GALNT8: variants seen among roughly 807,000 people sequenced by gnomAD.
GALNT8 encodes probable polypeptide N-acetylgalactosaminyltransferase 8.
In GALNT8, 66 loss-of-function variants were observed where a neutral mutation model predicts 62.7. That is an observed-to-expected ratio of 1.05 (90% CI 0.86 to 1.29). GALNT8 has a LOEUF of 1.29. GALNT8 is among the 50% of genes most tolerant of loss of function. GALNT8 has a pLI of 0.00. For missense variants in GALNT8, 771 were observed against 791.8 expected, an observed-to-expected ratio of 0.97 and a Z score of 0.32; for synonymous variants, 288 against 294.3, an observed-to-expected ratio of 0.98 and a Z score of 0.22.
chr12:4,757,426 A>C (rs1282423527), intron 6 of GALNT8, among the ~76,000 whole-genome samples: 1 of 152,192 alleles, frequency 6.6e-6, no homozygotes, highest in Non-Finnish European at 1.5e-5. Flanking sequence ...ACATGATAGA[A>C]ATTAATTTCT....
At chr12:4,733,815 A>G (rs1368869882) in intron 2 of GALNT8, among the ~76,000 whole-genome samples, 2 of 152,168 alleles carry the variant, frequency 1.3e-5, no homozygotes, top group Non-Finnish European at 1.5e-5. Context: ...TGACTCCCGA[A>G]TCCACAGGAC....
intron 2 of GALNT8, among the ~76,000 whole-genome samples, chr12:4,729,303 A>C (rs1410580530): frequency 6.6e-6 from 1 of 152,190 alleles, no homozygotes; most frequent in Non-Finnish European, 1.5e-5. Context: ...GTCTCTTAGC[A>C]ATTTTCAAGA....
At chr12:4,723,072 T>G (rs927588059) in intron 1 of GALNT8, among the ~76,000 whole-genome samples, 1 of 152,170 alleles carries the variant, frequency 6.6e-6, no homozygotes, top group Non-Finnish European at 1.5e-5. Context: ...ACGTCCTCCT[T>G]CATAAGACTC....
intron 7 of GALNT8, among the ~76,000 whole-genome samples, chr12:4,762,000 C>A (rs1946375544): frequency 6.6e-6 from 1 of 152,188 alleles, no homozygotes; most frequent in South Asian, 2.1e-4. Flanking sequence ...CAGGTTAACA[C>A]TGGGATCACT....
chr12:4,740,572 T>C (rs1322533649), intron 3 of GALNT8, among the ~76,000 whole-genome samples: 1 of 152,006 alleles, frequency 6.6e-6, no homozygotes, highest in Non-Finnish European at 1.5e-5. Flanking sequence ...TATAGGAGTA[T>C]GCCACCACAC....
intron 3 of GALNT8, among the ~76,000 whole-genome samples, chr12:4,742,609 G>A (rs139356879): frequency 4.1e-4 from 63 of 152,302 alleles, no homozygotes; most frequent in African/African-American, 1.5e-3. Context: ...AGCACGGTGT[G>A]GGGGTGTGGG....
At chr12:4,747,048 C>T (rs549352623) in intron 6 of GALNT8, among the ~76,000 whole-genome samples, 14 of 152,248 alleles carry the variant, frequency 9.2e-5, no homozygotes, top group Admixed American at 7.2e-4. Flanking sequence ...GTTAAATGAA[C>T]AACCTAAATT....
intron 7 of GALNT8, among the ~76,000 whole-genome samples, 162 bp downstream of exon 7, chr12:4,761,305 A>G (rs1946371739): frequency 6.6e-6 from 1 of 152,206 alleles, no homozygotes; most frequent in Non-Finnish European, 1.5e-5. Context: ...ATGTAACAGT[A>G]CAGTACTGCA....
chr12:4,746,500 G>A (rs1946300763), intron 6 of GALNT8, among the ~76,000 whole-genome samples: 1 of 152,122 alleles, frequency 6.6e-6, no homozygotes, highest in Non-Finnish European at 1.5e-5. Context: ...GGATTGAATA[G>A]ATAGATGTCC....
chr12:4,754,331 G>A (rs1237281771), intron 6 of GALNT8, among the ~76,000 whole-genome samples: 1 of 152,132 alleles, frequency 6.6e-6, no homozygotes, highest in African/African-American at 2.4e-5. Flanking sequence ...GTGCTGTCTG[G>A]CAGTCAGACA....
At chr12:4,725,735 T>C (rs2137517662) in intron 1 of GALNT8, among the ~76,000 whole-genome samples, 1 of 152,120 alleles carries the variant, frequency 6.6e-6, no homozygotes, top group African/African-American at 2.4e-5. Context: ...TTTGTATTTT[T>C]AGTAGAGACA....
At position 4,746,186 on chromosome 12, in the gene GALNT8, C is replaced by G; in HGVS notation, c.1101C>G (p.Phe367Leu). The G allele has an allele frequency of 6.2e-7, 1 of 1,613,460 alleles. No homozygotes were observed. Residue 367 changes from phenylalanine to leucine, a missense_variant, in exon 6 of 11, where the codon TTC (phenylalanine) becomes TTG (leucine). Phe to Leu is a conservative substitution (Grantham distance 22). Coordinates refer to ENST00000252318, the MANE Select transcript of GALNT8 (RefSeq NM_017417.2). Reference sequence around the variant, plus strand: ...GCATCCTGGCTGCTAACAGGCACTTCCTGGGAGAGATCGGGTCTCTGGATG... The same window carrying G: ...GCATCCTGGCTGCTAACAGGCACTTGCTGGGAGAGATCGGGTCTCTGGATG... ...IMGILAANRH[F>L]LGEIGSLDGG...
chr12:4,736,403 A>T (rs1390995008), intron 2 of GALNT8, among the ~76,000 whole-genome samples: 1 of 152,174 alleles, frequency 6.6e-6, no homozygotes, highest in Non-Finnish European at 1.5e-5. Context: ...CAGAGAAGAA[A>T]ATCCAAGCTA....
At chr12:4,723,774 A>G (rs1946181735) in intron 1 of GALNT8, among the ~76,000 whole-genome samples, 1 of 137,334 alleles carries the variant, frequency 7.3e-6, no homozygotes, top group South Asian at 2.3e-4. Context: ...TTTTTTCCAC[A>G]GAGCTTCCTA....
At chr12:4,737,894 A>G (rs922163512) in intron 2 of GALNT8, among the ~76,000 whole-genome samples, 5 of 152,196 alleles carry the variant, frequency 3.3e-5, no homozygotes, top group Non-Finnish European at 7.3e-5. Context: ...GCACCTTGAC[A>G]TTAGACTTAC....
intron 3 of GALNT8, among the ~76,000 whole-genome samples, chr12:4,739,555 G>C (rs947303896): frequency 6.6e-6 from 1 of 152,026 alleles, no homozygotes; most frequent in Non-Finnish European, 1.5e-5. Flanking sequence ...GACACAAAGA[G>C]ATCACACAGT....
chr12:4,744,660 G>A lies in GALNT8; in HGVS notation c.820G>A (p.Val274Ile), dbSNP rs886503126. Residue 274 changes from valine to isoleucine, a missense_variant, in exon 4 of 11, where the codon GTC becomes ATC. Coordinates refer to ENST00000252318, the MANE Select transcript of GALNT8 (RefSeq NM_017417.2). ...CTGGGAAGCTGCCACAGCAGACGTG[G>A]TCGCCATCTTGGATGCTCACATTGA... is the stretch of plus-strand genomic sequence containing the variant. ...TGWEAATADV[V>I]AILDAHIEVN... is the part of the protein sequence containing the mutation. 4 of 1,613,332 alleles carry A rather than the reference G, an allele frequency of 2.5e-6. No homozygotes were observed. The African/African-American group carries it at 5.3e-5, about 22-fold the overall frequency.
chr12:4,734,184 C>T (rs1457136112), intron 2 of GALNT8, among the ~76,000 whole-genome samples: 5 of 152,160 alleles, frequency 3.3e-5, no homozygotes, highest in Non-Finnish European at 7.3e-5. Flanking sequence ...TACTAACCAC[C>T]ACCCTCACCG....
intron 6 of GALNT8, among the ~76,000 whole-genome samples, chr12:4,750,813 C>T (rs867664365): frequency 6.6e-6 from 1 of 152,150 alleles, no homozygotes; most frequent in Non-Finnish European, 1.5e-5. Flanking sequence ...ATTCCTTTTT[C>T]TTCACAACCT....
Sources: allele counts gnomAD v4.1 joint callset (sites outside exome capture counted in the v4.1 genomes callset), GRCh38; gene constraint gnomAD v4.1.1; transcripts MANE v1.5; gene names NCBI Gene and HGNC (gene_info 2026-07-23, HGNC 2026-07-21).